SH3GL1: variants seen among roughly 807,000 people sequenced by gnomAD.
SH3GL1 encodes SH3 domain containing GRB2 like 1, endophilin A2.
In SH3GL1, 21 loss-of-function variants were observed where a neutral mutation model predicts 48.8. The ratio of observed to expected loss-of-function variants is 0.43; its 90% confidence interval spans 0.30 to 0.62. The LOEUF is 0.62. Ranked by LOEUF, SH3GL1 falls within the 20% of genes least tolerant of loss-of-function variation. SH3GL1 has a pLI of 0.11. For missense variants in SH3GL1, 454 were observed against 503.0 expected, an observed-to-expected ratio of 0.90 and a Z score of 0.93; for synonymous variants, 282 against 217.5, an observed-to-expected ratio of 1.30 and a Z score of -2.61.
intron 7 of SH3GL1, 77 bp downstream of exon 7, chr19:4,363,293 G>A (rs1972674742): frequency 6.4e-6 from 7 of 1,100,820 alleles, no homozygotes; most frequent in Admixed American, 4.0e-5. Context: ...ACCCCACAGC[G>A]AGGTGTGCTG....
intron 1 of SH3GL1, among the ~76,000 whole-genome samples, chr19:4,387,861 TTTTG>T (rs945567816): frequency 1.4e-5 from 2 of 146,592 alleles, no homozygotes; most frequent in Admixed American, 1.3e-4. Flanking sequence ...TTTTGTTTGT[TTTTG>T]TTTTTGTTTT....
chr19:4,375,159 T>C (rs1972982244), intron 1 of SH3GL1, among the ~76,000 whole-genome samples: 1 of 152,040 alleles, frequency 6.6e-6, no homozygotes, highest in Non-Finnish European at 1.5e-5. Flanking sequence ...CTACTGTCTG[T>C]GGTGCGAGGC....
Position 4,364,227 on chromosome 19 carries a change from G to A in SH3GL1, c.332-6C>T. 1 of 1,613,870 alleles carries A rather than the reference G, an allele frequency of 6.2e-7. No homozygotes were observed. ...GGCATCCAGCAATGCGTCACCTGTG[G>A]AGAAGTGGTGGGGGAAGCCATCATA... is the stretch of plus-strand genomic sequence containing the variant. On this transcript the variant is annotated splice_region_variant and splice_polypyrimidine_tract_variant and intron_variant, in intron 4 of 9. Transcript: ENST00000269886.
chr19:4,395,114 T>C (rs189290435), intron 1 of SH3GL1, among the ~76,000 whole-genome samples: 13 of 152,302 alleles, frequency 8.5e-5, no homozygotes, highest in South Asian at 2.1e-4. Flanking sequence ...TATGGAACCA[T>C]TGTGTGTAGC....
chr19:4,379,067 T>C (rs1052826880), intron 1 of SH3GL1, among the ~76,000 whole-genome samples: 15 of 152,156 alleles, frequency 9.9e-5, no homozygotes, highest in African/African-American at 3.4e-4. Flanking sequence ...CAGAGTCAAG[T>C]CCCGGTTCCA....
intron 1 of SH3GL1, among the ~76,000 whole-genome samples, chr19:4,381,345 CCT>C (rs369591412): frequency 3.9e-4 from 49 of 126,444 alleles, no homozygotes; most frequent in African/African-American, 1.2e-3. Context: ...GTCCCCTCTG[CCT>C]CTCTCTGTCC....
rs996189746 is a variant in SH3GL1, at chr19:4,400,197, G to T, written c.45+127C>A. On this transcript the variant is annotated intron_variant, in intron 1 of 9. Transcript: ENST00000269886. This position sits in a 1 kb window ranked among gnomAD's most constrained non-coding sequence, Gnocchi z 4.1. Reference sequence around the variant, plus strand: ...GTCCGTCCCTTGGTCTTCCCACCTGGCAGGGGACACGCGCCAACGTCCCCA... The same window carrying T: ...GTCCGTCCCTTGGTCTTCCCACCTGTCAGGGGACACGCGCCAACGTCCCCA... The T allele has an allele frequency of 2.2e-5, 23 of 1,025,238 alleles. No homozygotes were observed. The highest frequency in any genetic ancestry group is 3.0e-5 in the Non-Finnish European group (22 of 724,576). The allele number at this position is 1,025,238 out of a possible 1,614,324, so 63.5% of individuals were successfully genotyped here.
At chr19:4,375,524 C>T (rs1412630185) in intron 1 of SH3GL1, among the ~76,000 whole-genome samples, 2 of 152,194 alleles carry the variant, frequency 1.3e-5, no homozygotes, top group Non-Finnish European at 2.9e-5. Flanking sequence ...CCAGGGGGCT[C>T]AGCTATGTGG....
At chr19:4,370,984 T>G (rs1972888514) in intron 1 of SH3GL1, among the ~76,000 whole-genome samples, 2 of 152,256 alleles carry the variant, frequency 1.3e-5, no homozygotes, top group African/African-American at 4.8e-5. Context: ...GCATCCCACC[T>G]GCACCCGCCA....
At chr19:4,363,634 G>T (rs545258192) in intron 6 of SH3GL1, 86 bp downstream of exon 6, 9 of 1,562,090 alleles carry the variant, frequency 5.8e-6, no homozygotes, top group African/African-American at 2.7e-5. Context: ...GGTAGGTGCC[G>T]ATCTGTCCTC....
At chr19:4,387,850 ATT>A (rs1335861468) in intron 1 of SH3GL1, among the ~76,000 whole-genome samples, 1 of 151,708 alleles carries the variant, frequency 6.6e-6, no homozygotes, top group African/African-American at 2.4e-5. Flanking sequence ...CGCCCGACGA[ATT>A]TTGTTTGTTT....
At chr19:4,399,428 GGA>G (rs1464892777) in intron 1 of SH3GL1, among the ~76,000 whole-genome samples, 1 of 151,748 alleles carries the variant, frequency 6.6e-6, no homozygotes, top group Non-Finnish European at 1.5e-5. Context: ...AGGGAGGGAG[GGA>G]GAGAGGCAAG....
At chr19:4,369,980 G>A (rs919526003) in intron 1 of SH3GL1, among the ~76,000 whole-genome samples, 1 of 152,270 alleles carries the variant, frequency 6.6e-6, no homozygotes, top group East Asian at 1.9e-4. Context: ...CCGCAAGCGC[G>A]GAAACCAAGC....
chr19:4,383,209 C>T (rs1272454889), intron 1 of SH3GL1, among the ~76,000 whole-genome samples: 1 of 146,178 alleles, frequency 6.8e-6, no homozygotes, highest in African/African-American at 2.5e-5. Context: ...TGAGCCACCA[C>T]GCCTGGACAT....
intron 5 of SH3GL1, 58 bp from the exon 6 acceptor site, chr19:4,363,936 T>G: frequency 6.2e-7 from 1 of 1,609,906 alleles, no homozygotes; most frequent in South Asian, 1.1e-5. Flanking sequence ...GCCCCACGCA[T>G]GGCTTTGACC....
intron 1 of SH3GL1, among the ~76,000 whole-genome samples, chr19:4,394,451 T>A (rs991130391): frequency 1.3e-5 from 2 of 152,154 alleles, no homozygotes; most frequent in Non-Finnish European, 2.9e-5. Flanking sequence ...TTTACTGCTT[T>A]CTTCCAGATG....
intron 1 of SH3GL1, among the ~76,000 whole-genome samples, chr19:4,373,760 G>T (rs1231165142): frequency 6.6e-6 from 1 of 152,168 alleles, no homozygotes; most frequent in Non-Finnish European, 1.5e-5. Flanking sequence ...GGCCACAGAG[G>T]GCCCCCTGAG....
chr19:4,365,337 T>A, intron 4 of SH3GL1, 145 bp downstream of exon 4: 1 of 1,102,434 alleles, frequency 9.1e-7, no homozygotes, highest in African/African-American at 1.5e-5. Flanking sequence ...GTCTGTGCAG[T>A]CTCCTGCACC....
chr19:4,384,081 G>A (rs1055579664), intron 1 of SH3GL1, among the ~76,000 whole-genome samples: 1 of 152,208 alleles, frequency 6.6e-6, no homozygotes, highest in East Asian at 1.9e-4. Flanking sequence ...TGCCCTCTGC[G>A]ACAAGGCTGG....
Sources: gnomAD v4.1 joint callset for allele counts (sites outside exome capture counted in the v4.1 genomes callset) on GRCh38, gnomAD v4.1.1 for gene constraint, Gnocchi (gnomAD v3.1) non-coding constraint, MANE v1.5 for transcripts, NCBI Gene and HGNC (gene_info 2026-07-23, HGNC 2026-07-21) for gene names.